CAMTA1: variants seen among roughly 807,000 people sequenced by gnomAD.
CAMTA1 encodes calmodulin-binding transcription activator 1.
In CAMTA1, 27 loss-of-function variants were observed where a neutral mutation model predicts 170.9. The observed-to-expected ratio is 0.16, with a 90% CI of 0.12 to 0.22. The LOEUF is 0.22. Among genes scored for constraint, CAMTA1 ranks in the 10% least tolerant of loss-of-function variants. The pLI, the probability that CAMTA1 is intolerant of heterozygous loss-of-function variation, is 1.00. For missense variants in CAMTA1, 1,619 were observed against 2,217.2 expected (o/e 0.73, Z 5.42); for synonymous variants, 833 against 891.5 (o/e 0.93, Z 1.17).
At chr1:7,214,692 A>C (rs554631976) in intron 4 of CAMTA1, among the ~76,000 whole-genome samples, 2 of 152,144 alleles carry the variant, frequency 1.3e-5, no homozygotes, top group African/African-American at 4.8e-5. Context: ...CATGAAGTCT[A>C]CTTTACCCAT....
chr1:6,968,410 T>G lies in CAMTA1; in HGVS notation c.235-122894T>G, dbSNP rs1180103190. On this transcript the variant is annotated intron_variant, in intron 3 of 22. Transcript: ENST00000303635. ...GGTGGAGATACCGCCAGAGTTCTCCTCCCCGCTCCCTGCCTTGTATATGGC... is the reference window on the plus strand; with the variant it reads ...GGTGGAGATACCGCCAGAGTTCTCCGCCCCGCTCCCTGCCTTGTATATGGC... Among the ~76,000 whole-genome samples, 5 of 152,212 alleles carry G rather than the reference T, an allele frequency of 3.3e-5. No homozygotes were observed. The East Asian group carries it at 9.6e-4, about 29-fold the overall frequency.
chr1:7,040,089 C>A (rs572376514), intron 3 of CAMTA1, among the ~76,000 whole-genome samples: 140 of 151,070 alleles, frequency 9.3e-4, no homozygotes, highest in Admixed American at 7.7e-3. Flanking sequence ...AAAGTGGCGA[C>A]TTTTCTTTTT....
At chr1:7,737,877 T>C in intron 15 of CAMTA1, 82 bp from the exon 16 acceptor site, 1 of 1,416,710 alleles carries the variant, frequency 7.1e-7, no homozygotes, top group Non-Finnish European at 9.6e-7. Flanking sequence ...TTTGTGTCTC[T>C]CAGGCATAGA....
chr1:7,548,454 G>T (rs1017772759), intron 6 of CAMTA1, among the ~76,000 whole-genome samples: 3 of 151,014 alleles, frequency 2.0e-5, no homozygotes, highest in African/African-American at 4.9e-5. Context: ...GCTGGTGGAG[G>T]GTGCCCCCTT....
At chr1:7,419,698 C>G (rs2091433889) in intron 5 of CAMTA1, among the ~76,000 whole-genome samples, 1 of 152,192 alleles carries the variant, frequency 6.6e-6, no homozygotes, top group Non-Finnish European at 1.5e-5. Context: ...TTCAAACTGA[C>G]CACGGCCACA....
At chr1:7,549,372 G>A (rs2094767732) in intron 6 of CAMTA1, among the ~76,000 whole-genome samples, 1 of 152,052 alleles carries the variant, frequency 6.6e-6, no homozygotes, top group Non-Finnish European at 1.5e-5. Context: ...GTTGGCAGCA[G>A]GAAGCTGACC....
chr1:7,514,679 G>A (rs1228726412), intron 6 of CAMTA1, among the ~76,000 whole-genome samples: 1 of 152,220 alleles, frequency 6.6e-6, no homozygotes, highest in African/African-American at 2.4e-5. Context: ...CTGTGGCAGG[G>A]TGCTTCTGGC....
intron 3 of CAMTA1, among the ~76,000 whole-genome samples, chr1:6,925,937 G>A (rs1303632088): frequency 2.0e-5 from 3 of 152,064 alleles, no homozygotes; most frequent in Admixed American, 1.3e-4. Flanking sequence ...CTGTAACCCT[G>A]AGGACCTGAC....
intron 6 of CAMTA1, among the ~76,000 whole-genome samples, chr1:7,517,099 C>A (rs748487454): frequency 6.6e-6 from 1 of 152,198 alleles, no homozygotes; most frequent in Non-Finnish European, 1.5e-5. Context: ...ACATGAGCAT[C>A]TTTTCAAGCT....
intron 4 of CAMTA1, among the ~76,000 whole-genome samples, chr1:7,166,899 C>T (rs1648585296): frequency 2.0e-5 from 3 of 151,738 alleles, no homozygotes; most frequent in Admixed American, 1.3e-4. Context: ...AAACCTCCAC[C>T]TTCTGGGTTC....
intron 6 of CAMTA1, among the ~76,000 whole-genome samples, chr1:7,625,269 C>A (rs574659385): frequency 3.9e-5 from 6 of 152,338 alleles, no homozygotes; most frequent in African/African-American, 1.4e-4. Context: ...TGAGGGGAGA[C>A]TGGGGCGGTG....
intron 6 of CAMTA1, among the ~76,000 whole-genome samples, chr1:7,601,350 A>G (rs1195926780): frequency 6.8e-6 from 1 of 147,226 alleles, no homozygotes; most frequent in Non-Finnish European, 1.5e-5. Flanking sequence ...ACGGGGCGGC[A>G]GGGCAGAGGC....
rs1184983158 is a variant in CAMTA1, at chr1:6,906,255, A to G, written c.234+81045A>G. 2.0e-5 allele frequency among the ~76,000 whole-genome samples: 3 copies of G among 152,132 alleles called. 1 individual carries two copies. Among genetic ancestry groups the G allele is most frequent in the South Asian group, 4.1e-4 (2 of 4,826 alleles). ...AAGAATGGGGAGAAACCCCCTGCCAAGGGGTCTTTCTGGATATAGAGGTGC... is the reference window on the plus strand; with the variant it reads ...AAGAATGGGGAGAAACCCCCTGCCAGGGGGTCTTTCTGGATATAGAGGTGC... On this transcript the variant is annotated intron_variant, in intron 3 of 22. Transcript: ENST00000303635.
At chr1:6,993,562 T>G (rs1696721857) in intron 3 of CAMTA1, among the ~76,000 whole-genome samples, 1 of 152,230 alleles carries the variant, frequency 6.6e-6, no homozygotes. Flanking sequence ...ATTAGGCACA[T>G]GCACAATTAT....
intron 5 of CAMTA1, chr1:7,388,554 A>G (rs1048702132): frequency 6.6e-6 from 1 of 152,370 alleles, no homozygotes; most frequent in Admixed American, 6.5e-5. Flanking sequence ...ATGTTCAGGG[A>G]GGACTGGTGT....
chr1:7,231,348 T>TGAGA (rs148940451), intron 4 of CAMTA1, among the ~76,000 whole-genome samples: 1,707 of 141,268 alleles, frequency 0.012, 21 homozygotes, highest in East Asian at 0.05. Context: ...TGTGTGTGTG[T>TGAGA]GTGAGAGAGA....
chr1:7,290,732 C>T (rs1412574088), intron 5 of CAMTA1, among the ~76,000 whole-genome samples: 2 of 152,126 alleles, frequency 1.3e-5, no homozygotes, highest in African/African-American at 4.8e-5. Flanking sequence ...TTCATTATCA[C>T]ATGATGCCAG....
chr1:7,710,412 A>G (rs560604967), intron 11 of CAMTA1, among the ~76,000 whole-genome samples: 65 of 152,060 alleles, frequency 4.3e-4, no homozygotes, highest in Non-Finnish European at 8.7e-4. Flanking sequence ...AGCCTAGGCA[A>G]CATAGCAAGA....
intron 5 of CAMTA1, among the ~76,000 whole-genome samples, chr1:7,310,912 G>A (rs1268228102): frequency 1.3e-5 from 2 of 151,748 alleles, no homozygotes; most frequent in African/African-American, 4.8e-5. Context: ...TGTATTTTTA[G>A]TAGAGATGGG....
Sources: gnomAD v4.1 joint callset for allele counts (sites outside exome capture counted in the v4.1 genomes callset) on GRCh38, gnomAD v4.1.1 for gene constraint, MANE v1.5 for transcripts, NCBI Gene and HGNC (gene_info 2026-07-23, HGNC 2026-07-21) for gene names.